The following CAP2 variants were observed in gnomAD, a reference collection of about 807,000 sequenced individuals.
CAP2 encodes the protein adenylyl cyclase-associated protein 2.
A neutral mutation model predicts 57.7 loss-of-function variants in CAP2; 24 were observed. That is an observed-to-expected ratio of 0.42 (90% CI 0.30 to 0.58). CAP2 has a LOEUF of 0.58. Ranked by LOEUF, CAP2 falls within the 20% of genes least tolerant of loss-of-function variation. The pLI, the probability that CAP2 is intolerant of heterozygous loss-of-function variation, is 0.22. For missense variants in CAP2, 501 were observed against 590.3 expected, an observed-to-expected ratio of 0.85 and a Z score of 1.57; for synonymous variants, 194 against 207.2, an observed-to-expected ratio of 0.94 and a Z score of 0.55.
intron 4 of CAP2, among the ~76,000 whole-genome samples, chr6:17,491,332 A>G (rs376463742): frequency 6.6e-6 from 1 of 152,204 alleles, no homozygotes; most frequent in Non-Finnish European, 1.5e-5. Context: ...CTTACCGCAT[A>G]TCGTGGGCAC....
chr6:17,496,554 G>A (rs1396962067), intron 4 of CAP2, among the ~76,000 whole-genome samples: 2 of 151,894 alleles, frequency 1.3e-5, no homozygotes, highest in Non-Finnish European at 2.9e-5. Context: ...TCAAACTCCT[G>A]GGTTCAAGCC....
intron 1 of CAP2, among the ~76,000 whole-genome samples, chr6:17,419,263 A>G (rs1348041990): frequency 6.6e-6 from 1 of 152,226 alleles, no homozygotes; most frequent in Non-Finnish European, 1.5e-5. Flanking sequence ...GAAACATAAA[A>G]TATTTATCCA....
chr6:17,495,743 A>T (rs1227723614), intron 4 of CAP2, among the ~76,000 whole-genome samples: 1 of 152,192 alleles, frequency 6.6e-6, no homozygotes, highest in Non-Finnish European at 1.5e-5. Flanking sequence ...AAAGAAAAAG[A>T]CTGCAATTTA....
At chr6:17,426,348 G>A (rs925227585) in intron 2 of CAP2, among the ~76,000 whole-genome samples, 2 of 150,500 alleles carry the variant, frequency 1.3e-5, no homozygotes, top group Non-Finnish European at 2.9e-5. Context: ...AGATTCTCCT[G>A]CCTCAGCCTC....
chr6:17,430,957 AC>A (rs1759712426), intron 3 of CAP2, among the ~76,000 whole-genome samples: 1 of 152,182 alleles, frequency 6.6e-6, no homozygotes, highest in Non-Finnish European at 1.5e-5. Flanking sequence ...GCTTTTCCTA[AC>A]CCAAGTCTTT....
intron 4 of CAP2, among the ~76,000 whole-genome samples, chr6:17,483,145 A>C (rs1009095823): frequency 9.9e-5 from 15 of 152,096 alleles, no homozygotes; most frequent in African/African-American, 3.6e-4. Flanking sequence ...TCAGGCTGCC[A>C]GTTGGTGGGG....
intron 4 of CAP2, among the ~76,000 whole-genome samples, chr6:17,478,608 G>A (rs1761215095): frequency 6.6e-6 from 1 of 151,454 alleles, no homozygotes; most frequent in African/African-American, 2.4e-5. Context: ...CAAGCCAAAT[G>A]AGTTTTCTCT....
At chr6:17,396,908 T>C (rs1387151150) in intron 1 of CAP2, among the ~76,000 whole-genome samples, 1 of 152,210 alleles carries the variant, frequency 6.6e-6, no homozygotes, top group Non-Finnish European at 1.5e-5. Context: ...CTTTGTGTTT[T>C]TCCTCTGTGC....
chr6:17,525,045 C>T (rs62393843), intron 7 of CAP2, among the ~76,000 whole-genome samples: 47 of 151,620 alleles, frequency 3.1e-4, no homozygotes, highest in East Asian at 7.7e-4. Context: ...TACAGGTGCG[C>T]GCCACCACAC....
intron 4 of CAP2, among the ~76,000 whole-genome samples, chr6:17,496,034 G>GGT (rs1761661323): frequency 1.7e-5 from 2 of 117,304 alleles, no homozygotes; most frequent in East Asian, 5.0e-4. Flanking sequence ...GGGTGGGGGG[G>GGT]GGGGGTAAGT....
intron 3 of CAP2, among the ~76,000 whole-genome samples, chr6:17,456,019 A>T (rs116656148): frequency 0.016 from 2,496 of 152,292 alleles, 77 homozygotes; most frequent in African/African-American, 0.057. Context: ...TTGTTAATTC[A>T]TCTGCTAATG....
intron 6 of CAP2, among the ~76,000 whole-genome samples, chr6:17,510,352 A>T (rs1210519732): frequency 6.6e-6 from 1 of 152,228 alleles, no homozygotes; most frequent in Non-Finnish European, 1.5e-5. Flanking sequence ...ATTTCAAAAA[A>T]CAAAAAGAAA....
chr6:17,506,651 G>T (rs1257954884), intron 4 of CAP2, among the ~76,000 whole-genome samples: 1 of 151,760 alleles, frequency 6.6e-6, no homozygotes, highest in Non-Finnish European at 1.5e-5. Context: ...AAAAAAAAAG[G>T]GTTGCGGGGG....
intron 1 of CAP2, among the ~76,000 whole-genome samples, chr6:17,413,605 A>G (rs774778648): frequency 4.6e-5 from 7 of 152,236 alleles, no homozygotes; most frequent in Non-Finnish European, 7.3e-5. Flanking sequence ...TCAATGAGCC[A>G]GTTAAAAAAT....
At chr6:17,404,677 A>G (rs1758906873) in intron 1 of CAP2, among the ~76,000 whole-genome samples, 1 of 150,698 alleles carries the variant, frequency 6.6e-6, no homozygotes, top group African/African-American at 2.4e-5. Flanking sequence ...AGGCTGAGGC[A>G]GGAGAATTGC....
intron 4 of CAP2, among the ~76,000 whole-genome samples, chr6:17,502,048 T>G (rs1007975402): frequency 2.0e-5 from 3 of 152,136 alleles, no homozygotes; most frequent in African/African-American, 7.2e-5. Flanking sequence ...GTAATCTGAG[T>G]GACATCTATG....
At chr6:17,458,886 C>CA (rs397779120) in intron 3 of CAP2, among the ~76,000 whole-genome samples, 14,695 of 110,106 alleles carry the variant, frequency 0.13, 974 homozygotes, top group Middle Eastern at 0.24. Context: ...CACAAAGGAG[C>CA]AAAAAAAAAA....
At chr6:17,402,038 C>T (rs1758831141) in intron 1 of CAP2, among the ~76,000 whole-genome samples, 2 of 152,170 alleles carry the variant, frequency 1.3e-5, no homozygotes, top group Non-Finnish European at 2.9e-5. Context: ...GTTCAGCAAT[C>T]TTTAAACTGT....
At chr6:17,537,151 A>T (rs941244462) in intron 7 of CAP2, among the ~76,000 whole-genome samples, 3 of 152,174 alleles carry the variant, frequency 2.0e-5, no homozygotes, top group African/African-American at 4.8e-5. Flanking sequence ...AATAGGAATT[A>T]TATAAGTGCT....
Sources: allele counts gnomAD v4.1 joint callset (sites outside exome capture counted in the v4.1 genomes callset), GRCh38; gene constraint gnomAD v4.1.1; transcripts MANE v1.5; gene names NCBI Gene and HGNC (gene_info 2026-07-23, HGNC 2026-07-21).